The following STARD9 variants were observed in gnomAD, a reference collection of about 807,000 sequenced individuals.
The protein encoded by STARD9 is stAR-related lipid transfer protein 9.
A neutral mutation model predicts 399.8 loss-of-function variants in STARD9; 346 were observed. That is an observed-to-expected ratio of 0.87 (90% CI 0.79 to 0.95). The LOEUF is 0.95. Ranked by LOEUF, STARD9 falls within the 40% of genes least tolerant of loss-of-function variation. STARD9 has a pLI of 0.00. For synonymous variants in STARD9, 2,203 were observed against 2,143.5 expected, an observed-to-expected ratio of 1.03 and a Z score of -0.77; for missense variants, 5,832 against 5,667.5, an observed-to-expected ratio of 1.03 and a Z score of -0.93.
At position 42,694,624 on chromosome 15, in the gene STARD9, C is replaced by T; in HGVS notation, c.12861C>T (p.Ser4287=). 2 of 1,537,206 alleles carry T rather than the reference C, an allele frequency of 1.3e-6. No individual in the cohort carries two copies. Among genetic ancestry groups the T allele is most frequent in the South Asian group, 1.2e-5 (1 of 84,058 alleles). ...GCCTTAGCCCTCAGAAACAACTGAG[C>T]CTCCTGCCCAACAAAGATCTCTTCA... is the stretch of plus-strand genomic sequence containing the variant. ...TRSLSPQKQL[S]LLPNKDLFIW... is the part of the protein sequence containing the mutation. Residue 4287 remains serine, a synonymous_variant, in exon 24 of 33, where the codon AGC becomes AGT. Transcript: ENST00000290607.
Position 42,685,531 on chromosome 15 carries a change from C to T in STARD9, c.3953C>T (p.Ala1318Val), listed in dbSNP as rs2060532505. The T allele has an allele frequency of 6.5e-7, 1 of 1,537,614 alleles. No homozygotes were observed. Among genetic ancestry groups the T allele is most frequent in the Non-Finnish European group, 8.7e-7 (1 of 1,147,000 alleles). The change falls in exon 23 of 33, where the codon GCC (alanine) becomes GTC (valine). Residue 1318 changes from alanine (A) to valine (V), a missense_variant. Physicochemically the swap from Ala to Val is moderately conservative, Grantham distance 64 (BLOSUM62 0). Transcript: ENST00000290607. ...SQVEPSYSEQ[A>V]DSLQGMQLSR... ...GTAGAGCCAAGCTACTCTGAACAAG[C>T]CGACTCTCTCCAAGGCATGCAGCTT... is the stretch of plus-strand genomic sequence containing the variant.
chr15:42,599,548 G>A (rs905716741), intron 3 of STARD9, among the ~76,000 whole-genome samples: 3 of 152,182 alleles, frequency 2.0e-5, no homozygotes, highest in Admixed American at 1.3e-4. Flanking sequence ...CTTCCTTGAA[G>A]TCACCATCTC....
In STARD9 at chr15:42,665,291, G is replaced by C; in HGVS notation, c.1215G>C (p.Glu405Asp). The C allele has an allele frequency of 6.5e-7, 1 of 1,537,164 alleles. No individual in the cohort carries two copies. The highest frequency in any genetic ancestry group is 8.7e-7 in the Non-Finnish European group (1 of 1,146,840). The change falls in exon 14 of 33, where the codon GAG (glutamate) becomes GAC (aspartate). Residue 405 changes from glutamate to aspartate, a missense_variant. Glu to Asp is a conservative substitution (Grantham distance 45). Transcript: ENST00000290607. ...NLKLIRELRE[E>D]IERLKALLLS... ...AACTGATTAGAGAACTCAGAGAAGAGATTGAAAGACTGAAAGCCCTGCTGC... is the reference window on the plus strand; with the variant it reads ...AACTGATTAGAGAACTCAGAGAAGACATTGAAAGACTGAAAGCCCTGCTGC...
chr15:42,639,331 G>A (rs970105834), intron 7 of STARD9, among the ~76,000 whole-genome samples: 2 of 152,164 alleles, frequency 1.3e-5, no homozygotes, highest in African/African-American at 2.4e-5. Context: ...GTCTGCAGGC[G>A]CCCAATATGG....
intron 3 of STARD9, among the ~76,000 whole-genome samples, chr15:42,590,042 C>G (rs1049840561): frequency 2.7e-5 from 4 of 150,076 alleles, no homozygotes; most frequent in Non-Finnish European, 5.9e-5. Context: ...CTCACTGCAG[C>G]CTCAACCTCC....
chr15:42,697,933 C>T (rs941308280), intron 26 of STARD9, among the ~76,000 whole-genome samples: 4 of 152,162 alleles, frequency 2.6e-5, no homozygotes, highest in Non-Finnish European at 5.9e-5. Context: ...CTCCCTCACC[C>T]GACCCAAGGA....
chr15:42,590,751 T>C (rs2058377202), intron 3 of STARD9, among the ~76,000 whole-genome samples: 1 of 151,456 alleles, frequency 6.6e-6, no homozygotes, highest in African/African-American at 2.4e-5. Flanking sequence ...GACAGTCTTG[T>C]CACAGCGAGA....
chr15:42,623,713 G>A (rs548121692), intron 3 of STARD9, among the ~76,000 whole-genome samples: 3 of 152,212 alleles, frequency 2.0e-5, no homozygotes, highest in South Asian at 4.1e-4. Context: ...TGTTCTTTGG[G>A]AACTGTTTAA....
chr15:42,684,016 C>A, intron 22 of STARD9, 100 bp from the exon 23 acceptor site: 1 of 1,318,352 alleles, frequency 7.6e-7, no homozygotes, highest in Non-Finnish European at 1.0e-6. Flanking sequence ...GGTCTGAAGT[C>A]TATAGGAGAC....
chr15:42,576,222 G>T (rs2058053054), intron 1 of STARD9, among the ~76,000 whole-genome samples: 1 of 152,170 alleles, frequency 6.6e-6, no homozygotes. Flanking sequence ...GCGTGAGGGG[G>T]AAATTGAGGC....
chr15:42,651,280 T>C (rs1251451450), intron 8 of STARD9, among the ~76,000 whole-genome samples, 195 bp downstream of exon 8: 1 of 152,186 alleles, frequency 6.6e-6, no homozygotes, highest in Non-Finnish European at 1.5e-5. Flanking sequence ...CTCTTCTCAC[T>C]AGTAATGAAG....
In STARD9 at chr15:42,705,863, T is replaced by C. The variant is rs562757194; in HGVS notation, c.13284+9983T>C. ...CACCTCCTGGGTTCAAGCGATTCTCTTGTCTCAGCCTGCTGAGTAGCTGGG... is the reference window on the plus strand; with the variant it reads ...CACCTCCTGGGTTCAAGCGATTCTCCTGTCTCAGCCTGCTGAGTAGCTGGG... On this transcript the variant is annotated intron_variant, in intron 26 of 32. Coordinates refer to ENST00000290607, the MANE Select transcript of STARD9 (RefSeq NM_020759.3). Among the ~76,000 whole-genome samples the C allele has an allele frequency of 2.6e-5, 4 of 152,152 alleles. No homozygotes were observed. In the East Asian group the frequency reaches 5.8e-4, roughly 22 times the overall value.
intron 1 of STARD9, among the ~76,000 whole-genome samples, chr15:42,581,668 T>TCAG (rs35915660): frequency 0.58 from 88,752 of 151,806 alleles, 29,267 homozygotes; most frequent in East Asian, 0.74. Context: ...GCCAGCAGCC[T>TCAG]CAGCAGCAGC....
chr15:42,575,737 G>T lies in STARD9; in HGVS notation c.22G>T (p.Val8Leu). 3 of 1,536,694 alleles carry T rather than the reference G, an allele frequency of 2.0e-6. No homozygotes were observed. Among genetic ancestry groups the T allele is most frequent in the Non-Finnish European group, 2.6e-6 (3 of 1,146,804 alleles). The part of the protein sequence containing the change: MANVQVA[V>L]RVRPLSKRET... ...ACGGATGGCGAACGTGCAGGTCGCC[G>T]TGCGGGTCCGGCCGCTCAGCAAGAG... Residue 8 changes from valine to leucine, a missense_variant, in exon 1 of 33, where the codon GTG (valine) becomes TTG (leucine). Physicochemically the swap from Val to Leu is conservative, Grantham distance 32. Transcript: ENST00000290607.
chr15:42,576,893 A>G (rs934545314), intron 1 of STARD9, among the ~76,000 whole-genome samples: 1 of 152,228 alleles, frequency 6.6e-6, no homozygotes, highest in Admixed American at 6.5e-5. Context: ...CAAAAGAGGT[A>G]CACTGAAGAA....
intron 3 of STARD9, among the ~76,000 whole-genome samples, chr15:42,615,854 C>CT (rs1337864994): frequency 6.6e-6 from 1 of 152,042 alleles, no homozygotes; most frequent in African/African-American, 2.4e-5. Flanking sequence ...TAGATACAGT[C>CT]TTTATGTCCA....
intron 6 of STARD9, among the ~76,000 whole-genome samples, 164 bp from the exon 7 acceptor site, chr15:42,638,536 A>G (rs1364708038): frequency 2.0e-5 from 3 of 152,184 alleles, no homozygotes; most frequent in East Asian, 1.9e-4. Context: ...ACTCTATTGT[A>G]TATGTATGGA....
At position 42,652,510 on chromosome 15, in the gene STARD9, G is replaced by A. The variant is rs1475623852; in HGVS notation, c.630-10G>A. On this transcript the variant is annotated splice_polypyrimidine_tract_variant and intron_variant, in intron 8 of 32. Transcript: ENST00000290607. ...ATCCTCGTCCTAACAGTTTTTCCTT[G>A]TATACACAGAATCACAGCAGCCACC... The A allele has an allele frequency of 1.2e-5, 18 of 1,536,834 alleles. No homozygotes were observed. The highest frequency in any genetic ancestry group is 1.5e-5 in the Non-Finnish European group (17 of 1,146,678).
chr15:42,684,343 T>A lies in STARD9; in HGVS notation c.2765T>A (p.Leu922His), dbSNP rs2060499248. ...RKGASAPDAC[L>H]TMSPNSVGIQ... is the part of the protein sequence containing the mutation. ...GGAGCCTCAGCTCCAGACGCTTGCC[T>A]CACCATGAGTCCCAACTCTGTTGGC... is the stretch of plus-strand genomic sequence containing the variant. Residue 922 changes from leucine (L) to histidine (H), a missense_variant, in exon 23 of 33, where the codon CTC becomes CAC. Leu to His is a moderately conservative substitution (Grantham distance 99). Around this residue, in one of 2 missense-constraint regions of STARD9, gnomAD observed 5,828 missense variants for 5,651.1 expected, o/e 1.03. Coordinates refer to ENST00000290607, the MANE Select transcript of STARD9 (RefSeq NM_020759.3). 6.5e-7 allele frequency: 1 copy of A among 1,536,178 alleles called. No homozygotes were observed. Among genetic ancestry groups the A allele is most frequent in the Non-Finnish European group, 8.7e-7 (1 of 1,146,326 alleles).
Sources: gnomAD v4.1 joint callset for allele counts (sites outside exome capture counted in the v4.1 genomes callset) on GRCh38, gnomAD v4.1.1 for gene constraint, gnomAD v4.1.1 regional missense constraint, MANE v1.5 for transcripts, NCBI Gene and HGNC (gene_info 2026-07-23, HGNC 2026-07-21) for gene names.